Variants in ULK4 observed in about 807,000 individuals in gnomAD.
The protein encoded by ULK4 is inactive serine/threonine-protein kinase ULK4.
ULK4 carries 133 observed loss-of-function variants against 160.6 expected under a neutral mutation model. That is an observed-to-expected ratio of 0.83 (90% confidence interval 0.72 to 0.96). ULK4 has a LOEUF of 0.96. Among genes scored for constraint, ULK4 ranks in the 40% least tolerant of loss-of-function variants. The probability of loss-of-function intolerance (pLI) is 0.00; values close to 1 mark genes in which losing one functional copy is unlikely to be tolerated. For synonymous variants in ULK4, 534 were observed against 539.8 expected, an observed-to-expected ratio of 0.99 and a Z score of 0.15; for missense variants, 1,580 against 1,499.5, an observed-to-expected ratio of 1.05 and a Z score of -0.89.
At chr3:41,690,046 G>C (rs1251826643) in intron 27 of ULK4, among the ~76,000 whole-genome samples, 1 of 148,116 alleles carries the variant, frequency 6.8e-6, no homozygotes, top group Non-Finnish European at 1.5e-5. Flanking sequence ...CAACCCAAAT[G>C]TCCAACAATG....
chr3:41,417,132 A>G (rs2082545706), intron 34 of ULK4, among the ~76,000 whole-genome samples: 1 of 152,192 alleles, frequency 6.6e-6, no homozygotes, highest in African/African-American at 2.4e-5. Flanking sequence ...GAGACAGTGA[A>G]GAGTGAAGCA....
intron 32 of ULK4, among the ~76,000 whole-genome samples, chr3:41,516,248 T>G (rs2085743884): frequency 2.0e-5 from 3 of 152,158 alleles, no homozygotes. Context: ...TTTTAAACTC[T>G]TTGTGTAACT....
intron 22 of ULK4, among the ~76,000 whole-genome samples, chr3:41,718,771 A>G (rs933345853): frequency 6.6e-6 from 1 of 152,248 alleles, no homozygotes; most frequent in Non-Finnish European, 1.5e-5. Context: ...AGTTTTATAC[A>G]TAATATACAT....
Position 41,621,697 on chromosome 3 carries a change from G to C in ULK4, c.3072-5980C>G, listed in dbSNP as rs189590495. 2.6e-5 allele frequency among the ~76,000 whole-genome samples: 4 copies of C among 152,278 alleles called. No individual in the cohort carries two copies. In the East Asian group the frequency reaches 7.7e-4, roughly 29 times the overall value. ...TCCAGGCAATACCATTCAGGACATA[G>C]GCATGGGCAAAGACTTAATGACTAA... On this transcript the variant is annotated intron_variant, in intron 30 of 36. Coordinates refer to ENST00000301831, the MANE Select transcript of ULK4 (RefSeq NM_017886.4).
intron 13 of ULK4, 33 bp from the exon 14 acceptor site, chr3:41,898,525 C>A (rs1434593755): frequency 1.4e-6 from 2 of 1,407,376 alleles, no homozygotes; most frequent in Non-Finnish European, 2.0e-6. Context: ...GCTTTTGAGA[C>A]AATTTTTAAG....
intron 29 of ULK4, among the ~76,000 whole-genome samples, chr3:41,681,004 AG>A (rs1362875815): frequency 6.6e-6 from 1 of 152,194 alleles, no homozygotes; most frequent in Non-Finnish European, 1.5e-5. Flanking sequence ...ATGAAGTAAA[AG>A]AATACAAAAA....
intron 35 of ULK4, among the ~76,000 whole-genome samples, chr3:41,252,523 G>A (rs1353413514): frequency 2.0e-5 from 3 of 149,610 alleles, no homozygotes; most frequent in African/African-American, 7.4e-5. Context: ...AGACTCAATA[G>A]CAGAATGGAG....
chr3:41,674,370 G>T (rs192161258), intron 29 of ULK4, among the ~76,000 whole-genome samples: 1 of 152,114 alleles, frequency 6.6e-6, no homozygotes, highest in Admixed American at 6.5e-5. Context: ...GTCAATTTAG[G>T]CTTCAGTTCT....
intron 12 of ULK4, among the ~76,000 whole-genome samples, chr3:41,907,330 T>C (rs549786235): frequency 6.6e-6 from 1 of 151,900 alleles, no homozygotes; most frequent in South Asian, 2.1e-4. Context: ...TGGGTCTCAC[T>C]CTGTCACCCA....
chr3:41,642,794 A>G (rs2125720367), intron 30 of ULK4, among the ~76,000 whole-genome samples: 1 of 152,342 alleles, frequency 6.6e-6, no homozygotes, highest in South Asian at 2.1e-4. Context: ...GAACTGGTTT[A>G]CAGTCCCACC....
chr3:41,717,454 G>A (rs1033690254), intron 23 of ULK4, among the ~76,000 whole-genome samples: 1 of 151,878 alleles, frequency 6.6e-6, no homozygotes, highest in East Asian at 1.9e-4. Flanking sequence ...CAATTAAACC[G>A]CTTTTCTTTT....
At chr3:41,532,416 C>G (rs13079557) in intron 32 of ULK4, among the ~76,000 whole-genome samples, 62,334 of 152,040 alleles carry the variant, frequency 0.41, 14,230 homozygotes, top group Non-Finnish European at 0.51. Flanking sequence ...TTTATTTATT[C>G]TCAGTATTTA....
intron 35 of ULK4, among the ~76,000 whole-genome samples, chr3:41,278,975 G>A (rs976812314): frequency 6.6e-6 from 1 of 152,154 alleles, no homozygotes; most frequent in Non-Finnish European, 1.5e-5. Context: ...GTTGGCTTCA[G>A]AAGGTCGGTA....
At chr3:41,596,315 A>G (rs2125653677) in intron 31 of ULK4, among the ~76,000 whole-genome samples, 1 of 152,282 alleles carries the variant, frequency 6.6e-6, no homozygotes, top group South Asian at 2.1e-4. Flanking sequence ...AGTTGGTATA[A>G]TTGTGTATTT....
intron 1 of ULK4, chr3:41,955,871 C>G (rs545337552): frequency 6.6e-6 from 1 of 151,822 alleles, no homozygotes; most frequent in Non-Finnish European, 1.5e-5. Flanking sequence ...TAGATTTTAT[C>G]CAATGTGTCT....
At chr3:41,824,982 C>T (rs1250266042) in intron 18 of ULK4, among the ~76,000 whole-genome samples, 4 of 152,184 alleles carry the variant, frequency 2.6e-5, no homozygotes, top group African/African-American at 9.7e-5. Flanking sequence ...GAGGAACAAT[C>T]GGGCAGCAAC....
intron 30 of ULK4, among the ~76,000 whole-genome samples, chr3:41,646,374 T>C (rs936477201): frequency 6.6e-6 from 1 of 152,206 alleles, no homozygotes; most frequent in African/African-American, 2.4e-5. Context: ...AGGAGCTCTT[T>C]TAGGGCAGGC....
intron 32 of ULK4, among the ~76,000 whole-genome samples, chr3:41,525,697 G>A (rs2086091330): frequency 6.6e-6 from 1 of 152,158 alleles, no homozygotes; most frequent in Non-Finnish European, 1.5e-5. Flanking sequence ...ATGTCATTTT[G>A]TATCTGTATT....
intron 35 of ULK4, among the ~76,000 whole-genome samples, chr3:41,379,567 G>C (rs970881976): frequency 2.6e-5 from 4 of 152,276 alleles, no homozygotes; most frequent in Admixed American, 1.3e-4. Context: ...GGTCTAGGAA[G>C]TTTGGCACAA....
Sources: allele counts gnomAD v4.1 joint callset (sites outside exome capture counted in the v4.1 genomes callset), GRCh38; gene constraint gnomAD v4.1.1; transcripts MANE v1.5; gene names NCBI Gene and HGNC (gene_info 2026-07-23, HGNC 2026-07-21).